The following VOPP1 variants were observed in gnomAD, a reference collection of about 807,000 sequenced individuals.
VOPP1 encodes VOPP1 WW domain binding protein.
In VOPP1, 8 loss-of-function variants were observed where a neutral mutation model predicts 23.5. The ratio of observed to expected loss-of-function variants is 0.34; its 90% CI spans 0.20 to 0.61. The LOEUF (loss-of-function observed/expected upper bound fraction) is 0.61. Ranked by LOEUF, VOPP1 falls within the 20% of genes least tolerant of loss-of-function variation. The probability of loss-of-function intolerance (pLI) is 0.78; values close to 1 mark genes in which losing one functional copy is unlikely to be tolerated. For missense variants in VOPP1, 174 were observed against 238.1 expected, an observed-to-expected ratio of 0.73 and a Z score of 1.77; for synonymous variants, 83 against 97.3, an observed-to-expected ratio of 0.85 and a Z score of 0.86.
chr7:55,446,199 T>C (rs1466987477), intron 4 of VOPP1, among the ~76,000 whole-genome samples: 2 of 152,174 alleles, frequency 1.3e-5, no homozygotes, highest in Non-Finnish European at 2.9e-5. Flanking sequence ...TTCACCATGT[T>C]AGCCAGGATG....
chr7:55,546,391 C>A (rs1254270278), intron 1 of VOPP1, among the ~76,000 whole-genome samples: 1 of 152,156 alleles, frequency 6.6e-6, no homozygotes, highest in Non-Finnish European at 1.5e-5. Flanking sequence ...TGGTAGGATG[C>A]AAGAAGTTTT....
At chr7:55,460,860 G>A (rs754670662) in intron 4 of VOPP1, among the ~76,000 whole-genome samples, 1 of 152,136 alleles carries the variant, frequency 6.6e-6, no homozygotes, top group Non-Finnish European at 1.5e-5. Flanking sequence ...CTTTCAGTCT[G>A]TATGTGTCTT....
chr7:55,546,324 T>C (rs1797365901), intron 1 of VOPP1, among the ~76,000 whole-genome samples: 1 of 152,198 alleles, frequency 6.6e-6, no homozygotes, highest in East Asian at 1.9e-4. Context: ...TGAGAATAGT[T>C]GTACAAAGAG....
intron 4 of VOPP1, among the ~76,000 whole-genome samples, chr7:55,480,464 C>G (rs752852924): frequency 6.6e-6 from 1 of 152,110 alleles, no homozygotes; most frequent in Non-Finnish European, 1.5e-5. Context: ...TTAGATTTAT[C>G]AGGAGGGGAA....
chr7:55,488,183 A>G (rs1021941207), intron 4 of VOPP1, among the ~76,000 whole-genome samples: 2 of 152,214 alleles, frequency 1.3e-5, no homozygotes, highest in Admixed American at 6.5e-5. Flanking sequence ...CACTATATGC[A>G]TAGATTACAC....
intron 4 of VOPP1, among the ~76,000 whole-genome samples, chr7:55,465,151 T>G (rs1791602068): frequency 6.6e-6 from 1 of 152,244 alleles, no homozygotes; most frequent in Non-Finnish European, 1.5e-5. Context: ...TGTTCAGTTT[T>G]GGTCCTTCTT....
At chr7:55,515,994 G>T (rs1795382439) in intron 2 of VOPP1, 2 of 985,518 alleles carry the variant, frequency 2.0e-6, no homozygotes, top group South Asian at 9.4e-5. Context: ...GTTTCAGGCC[G>T]TGCTGGCAAA....
downstream of VOPP1, among the ~76,000 whole-genome samples, chr7:55,467,988 C>T (rs1202560581): frequency 1.3e-5 from 2 of 152,186 alleles, no homozygotes; most frequent in African/African-American, 4.8e-5. Context: ...GGAGAAAAGG[C>T]CCTGGCTGGG....
intron 2 of VOPP1, among the ~76,000 whole-genome samples, chr7:55,516,361 G>A (rs1795409338): frequency 1.3e-5 from 2 of 152,108 alleles, no homozygotes; most frequent in Non-Finnish European, 2.9e-5. Context: ...GACCAATAAT[G>A]GAAAAATATC....
At chr7:55,555,575 T>G (rs1797773896) in intron 1 of VOPP1, among the ~76,000 whole-genome samples, 1 of 152,148 alleles carries the variant, frequency 6.6e-6, no homozygotes, top group African/African-American at 2.4e-5. Flanking sequence ...CTCTTAGTGG[T>G]CATGCCATTT....
intron 4 of VOPP1, among the ~76,000 whole-genome samples, chr7:55,436,966 A>G (rs1261626225): frequency 6.6e-6 from 1 of 152,166 alleles, no homozygotes; most frequent in Non-Finnish European, 1.5e-5. Context: ...TGCTGCTCAC[A>G]TGTTGATAAA....
Position 55,520,991 on chromosome 7 carries a change from C to T in VOPP1, c.113+81G>A, listed in dbSNP as rs1158385718. The T allele has an allele frequency of 6.8e-6, 10 of 1,469,284 alleles. No individual in the cohort carries two copies. The East Asian group carries it at 2.2e-4, about 33-fold the overall frequency. 91.0% of individuals were successfully genotyped at this position (1,469,284 alleles called of 1,614,324 possible). ...GGGCCACGCCGGGCTTTCCCCATCC[C>T]ACACCCAGAACTTTAGCAAGACAAT... On this transcript the variant is annotated intron_variant, in intron 2 of 4. Coordinates refer to ENST00000285279, the MANE Select transcript of VOPP1 (RefSeq NM_030796.5).
chr7:55,499,665 G>A (rs1794228372), intron 2 of VOPP1, among the ~76,000 whole-genome samples: 1 of 152,248 alleles, frequency 6.6e-6, no homozygotes. Context: ...GGGAGGACAT[G>A]TGCAGGAGGT....
At chr7:55,501,222 A>G (rs943700152) in intron 2 of VOPP1, among the ~76,000 whole-genome samples, 2 of 152,232 alleles carry the variant, frequency 1.3e-5, no homozygotes, top group Non-Finnish European at 2.9e-5. Context: ...ACTTAATCAT[A>G]GAGACATATA....
chr7:55,468,606 G>A (rs955608269), downstream of VOPP1, among the ~76,000 whole-genome samples: 7 of 152,260 alleles, frequency 4.6e-5, no homozygotes, highest in Admixed American at 4.6e-4. Context: ...GCAACTATGG[G>A]ATGGGCTAGA....
At chr7:55,441,358 A>G (rs1790961055) in intron 4 of VOPP1, among the ~76,000 whole-genome samples, 2 of 152,236 alleles carry the variant, frequency 1.3e-5, no homozygotes, top group Non-Finnish European at 1.5e-5. Flanking sequence ...CGTCACAGAC[A>G]TCATCTGCTG....
chr7:55,551,654 G>A (rs116956672), intron 1 of VOPP1, among the ~76,000 whole-genome samples: 1,673 of 152,324 alleles, frequency 0.011, 11 homozygotes, highest in Middle Eastern at 0.02. Context: ...CACGGTCAGG[G>A]CTGAGGTGGA....
At chr7:55,487,722 A>C (rs1793246033) in intron 4 of VOPP1, among the ~76,000 whole-genome samples, 2 of 152,256 alleles carry the variant, frequency 1.3e-5, no homozygotes, top group South Asian at 4.1e-4. Flanking sequence ...GATCTTGACT[A>C]TGAACTTTAA....
At chr7:55,497,230 G>A (rs1316824874) in intron 3 of VOPP1, among the ~76,000 whole-genome samples, 1 of 152,228 alleles carries the variant, frequency 6.6e-6, no homozygotes, top group African/African-American at 2.4e-5. Flanking sequence ...GGATGGGGAA[G>A]AGTCTGGACA....
Sources: gnomAD v4.1 joint callset for allele counts (sites outside exome capture counted in the v4.1 genomes callset) on GRCh38, gnomAD v4.1.1 for gene constraint, MANE v1.5 for transcripts, NCBI Gene and HGNC (gene_info 2026-07-23, HGNC 2026-07-21) for gene names.